Variants in NCKAP5 observed in about 807,000 individuals in gnomAD.
NCKAP5 encodes NCK associated protein 5, also known as nck-associated protein 5.
A neutral mutation model predicts 167.0 loss-of-function variants in NCKAP5; 92 were observed. That is an observed-to-expected ratio of 0.55 (90% CI 0.47 to 0.66). The LOEUF is 0.66. Among genes scored for constraint, NCKAP5 ranks in the 30% least tolerant of loss-of-function variants. NCKAP5 has a pLI of 0.00. For missense variants in NCKAP5, 2,378 were observed against 2,315.0 expected, an observed-to-expected ratio of 1.03 and a Z score of -0.56; for synonymous variants, 891 against 877.4, an observed-to-expected ratio of 1.02 and a Z score of -0.27.
chr2:133,038,501 G>A (rs1478723533), intron 6 of NCKAP5, among the ~76,000 whole-genome samples: 1 of 152,092 alleles, frequency 6.6e-6, no homozygotes, highest in Non-Finnish European at 1.5e-5. Context: ...GGAGGGTGGG[G>A]ATGGTTAACA....
At chr2:133,502,516 T>C (rs1241912457) in intron 3 of NCKAP5, among the ~76,000 whole-genome samples, 3 of 152,220 alleles carry the variant, frequency 2.0e-5, no homozygotes, top group Admixed American at 6.5e-5. Context: ...TCACTGCTTG[T>C]CCTGAGATTC....
At chr2:132,862,883 G>A (rs564478300) in intron 10 of NCKAP5, among the ~76,000 whole-genome samples, 7 of 152,080 alleles carry the variant, frequency 4.6e-5, no homozygotes, top group East Asian at 1.9e-4. Context: ...GTGCAGTGGC[G>A]CGATCTTGGT....
At chr2:133,138,777 C>T (rs1221052113) in intron 5 of NCKAP5, among the ~76,000 whole-genome samples, 4 of 152,192 alleles carry the variant, frequency 2.6e-5, no homozygotes, top group Non-Finnish European at 2.9e-5. Context: ...TCCAGTTCTA[C>T]GCCTAACTCA....
intron 5 of NCKAP5, among the ~76,000 whole-genome samples, chr2:133,134,931 C>G (rs1221309245): frequency 6.6e-6 from 1 of 152,140 alleles, no homozygotes; most frequent in East Asian, 1.9e-4. Context: ...CGTGTAAAAG[C>G]AGCTATGTAC....
intron 5 of NCKAP5, among the ~76,000 whole-genome samples, chr2:133,137,173 T>C (rs999832436): frequency 1.3e-5 from 2 of 152,158 alleles, no homozygotes; most frequent in African/African-American, 4.8e-5. Flanking sequence ...CTCTCTGAAT[T>C]CAATATCCCC....
chr2:132,987,445 G>T (rs1175188729), intron 7 of NCKAP5, among the ~76,000 whole-genome samples: 1 of 152,114 alleles, frequency 6.6e-6, no homozygotes. Flanking sequence ...CTGGAAAAGG[G>T]TCTCTTTCCC....
intron 6 of NCKAP5, among the ~76,000 whole-genome samples, chr2:133,129,525 T>C (rs899368791): frequency 1.3e-5 from 2 of 152,224 alleles, no homozygotes; most frequent in Admixed American, 6.5e-5. Flanking sequence ...TTCCAAGTCT[T>C]TGCTATTGTG....
At chr2:133,036,470 C>A (rs925156539) in intron 6 of NCKAP5, among the ~76,000 whole-genome samples, 2 of 151,990 alleles carry the variant, frequency 1.3e-5, no homozygotes, top group African/African-American at 4.8e-5. Flanking sequence ...ATTCATTCAT[C>A]ATGACAAAGC....
chr2:133,306,174 G>T (rs1680763750), intron 3 of NCKAP5, among the ~76,000 whole-genome samples: 1 of 152,244 alleles, frequency 6.6e-6, no homozygotes, highest in African/African-American at 2.4e-5. Flanking sequence ...GTGGTTAAGA[G>T]GAAACTATGG....
intron 2 of NCKAP5, among the ~76,000 whole-genome samples, chr2:133,534,816 A>G (rs72992325): frequency 0.091 from 13,879 of 152,170 alleles, 1,062 homozygotes; most frequent in African/African-American, 0.21. Flanking sequence ...ATATGGACAT[A>G]TGTTTTCTTT....
intron 19 of NCKAP5, among the ~76,000 whole-genome samples, chr2:132,691,189 T>C (rs1686682037): frequency 6.6e-6 from 1 of 152,180 alleles, no homozygotes; most frequent in African/African-American, 2.4e-5. Context: ...TACCATCAGC[T>C]CTTGCCTAGA....
At chr2:133,360,744 G>T (rs1286641401) in intron 3 of NCKAP5, among the ~76,000 whole-genome samples, 5 of 152,032 alleles carry the variant, frequency 3.3e-5, no homozygotes, top group African/African-American at 7.2e-5. Context: ...TGATTCAAAG[G>T]GAGAGGAGCT....
At chr2:132,815,908 A>G (rs16841778) in intron 11 of NCKAP5, among the ~76,000 whole-genome samples, 2,710 of 152,324 alleles carry the variant, frequency 0.018, 78 homozygotes, top group African/African-American at 0.063. Flanking sequence ...TTCAACATGC[A>G]GGAGAAATCC....
chr2:133,128,370 G>C (rs754226531), intron 6 of NCKAP5, among the ~76,000 whole-genome samples: 14 of 152,286 alleles, frequency 9.2e-5, no homozygotes, highest in Middle Eastern at 6.8e-3. Flanking sequence ...TCCTTCACAA[G>C]GTTCCTATAT....
At position 132,784,773 on chromosome 2, in the gene NCKAP5, C is replaced by T; in HGVS notation, c.2038G>A (p.Glu680Lys). The T allele has an allele frequency of 1.2e-6, 2 of 1,610,898 alleles. No individual in the cohort carries two copies. Among genetic ancestry groups the T allele is most frequent in the Non-Finnish European group, 1.7e-6 (2 of 1,178,152 alleles). Residue 680 changes from glutamate to lysine, a missense_variant, in exon 14 of 20, where the codon GAA becomes AAA. Transcript: ENST00000409261. ...IFDAEDGEPI[E>K]FSSHQTGVVT... ...ACCCCAGTCTGGTGAGAGCTGAATT[C>T]AATGGGCTCACCGTCTTCCGCATCA... is the stretch of plus-strand genomic sequence containing the variant.
Position 132,782,281 on chromosome 2 carries a change from A to G in NCKAP5, c.4530T>C (p.Phe1510=). The part of the protein sequence containing the change: ...QKPGPSFASW[F]GFRKSRLPAL... ...CTGGAAGTCTACTCTTCCGAAAACC[A>G]AACCAGCTGGCAAAAGAAGGCCCAG... The change falls in exon 14 of 20, where the codon TTT becomes TTC. Residue 1510 remains phenylalanine (F), a synonymous_variant. Transcript: ENST00000409261. The G allele has an allele frequency of 6.2e-7, 1 of 1,614,034 alleles. No homozygotes were observed. Among genetic ancestry groups the G allele is most frequent in the East Asian group, 2.2e-5 (1 of 44,880 alleles).
chr2:133,567,475 C>T (rs570670520), intron 1 of NCKAP5, among the ~76,000 whole-genome samples: 3 of 152,070 alleles, frequency 2.0e-5, no homozygotes, highest in East Asian at 1.9e-4. Context: ...TTTTGTATAC[C>T]GATCTAGCTC....
intron 7 of NCKAP5, among the ~76,000 whole-genome samples, chr2:132,970,754 G>T (rs1455284817): frequency 2.6e-5 from 4 of 152,114 alleles, no homozygotes; most frequent in Non-Finnish European, 4.4e-5. Context: ...ACATCATCAG[G>T]CCTATGTAAA....
intron 5 of NCKAP5, among the ~76,000 whole-genome samples, chr2:133,206,269 A>C (rs563101264): frequency 1.3e-5 from 2 of 152,272 alleles, no homozygotes; most frequent in East Asian, 3.9e-4. Context: ...ATTTTATACT[A>C]TGTGTGTTGC....
Sources: allele counts gnomAD v4.1 joint callset (sites outside exome capture counted in the v4.1 genomes callset), GRCh38; gene constraint gnomAD v4.1.1; transcripts MANE v1.5; gene names NCBI Gene and HGNC (gene_info 2026-07-23, HGNC 2026-07-21).